Variants in RYK observed in about 807,000 individuals in gnomAD.
RYK encodes the protein receptor like tyrosine kinase.
Under a neutral mutation model 70.2 loss-of-function variants are expected in RYK, and 21 were observed. The ratio of observed to expected loss-of-function variants is 0.30; its 90% confidence interval spans 0.21 to 0.43. The LOEUF is 0.43. Ranked by LOEUF, RYK falls within the 20% of genes least tolerant of loss-of-function variation. The pLI, the probability that RYK is intolerant of heterozygous loss-of-function variation, is 1.00. For synonymous variants in RYK, 267 were observed against 278.0 expected (o/e 0.96, Z 0.39); for missense variants, 604 against 753.3 (o/e 0.80, Z 2.32).
intron 2 of RYK, among the ~76,000 whole-genome samples, chr3:134,214,753 C>T (rs1192662243): frequency 6.6e-6 from 1 of 152,198 alleles, no homozygotes; most frequent in African/African-American, 2.4e-5. Flanking sequence ...CCTTACAGGC[C>T]TTCCCCACCT....
At chr3:134,204,241 T>C (rs2014128823) in intron 5 of RYK, among the ~76,000 whole-genome samples, 1 of 152,096 alleles carries the variant, frequency 6.6e-6, no homozygotes, top group African/African-American at 2.4e-5. Context: ...ACACCTGTAA[T>C]CCCAGCGCTT....
At chr3:134,194,938 A>C (rs2107670353) in intron 7 of RYK, 144 bp downstream of exon 7, 1 of 583,452 alleles carries the variant, frequency 1.7e-6, no homozygotes, top group East Asian at 3.3e-5. Flanking sequence ...TCTAGAAAGC[A>C]AAAGTTGAAG....
At chr3:134,199,348 A>T (rs2013915582) in intron 6 of RYK, among the ~76,000 whole-genome samples, 1 of 152,266 alleles carries the variant, frequency 6.6e-6, no homozygotes, top group South Asian at 2.1e-4. Context: ...CTGTGTGAGG[A>T]TTAACGGAGT....
intron 4 of RYK, among the ~76,000 whole-genome samples, chr3:134,208,646 T>G (rs774172908): frequency 2.0e-5 from 3 of 152,186 alleles, no homozygotes; most frequent in Non-Finnish European, 4.4e-5. Flanking sequence ...TGGCCTTAGG[T>G]GTTTTCATAA....
chr3:134,169,616 C>A (rs1449647707), intron 13 of RYK, among the ~76,000 whole-genome samples: 1 of 152,090 alleles, frequency 6.6e-6, no homozygotes, highest in Non-Finnish European at 1.5e-5. Context: ...AATATTGAAT[C>A]CTTTCAGTAA....
intron 13 of RYK, among the ~76,000 whole-genome samples, chr3:134,173,294 T>C (rs368369117): frequency 4.0e-5 from 6 of 149,366 alleles, no homozygotes; most frequent in Non-Finnish European, 7.4e-5. Context: ...AAAAAAAAAA[T>C]TTAAAAATTA....
At chr3:134,161,008 T>C (rs1234883941) in intron 13 of RYK, among the ~76,000 whole-genome samples, 41 of 152,222 alleles carry the variant, frequency 2.7e-4, no homozygotes, top group Admixed American at 2.7e-3. Flanking sequence ...AAAGCAGTTC[T>C]TCATGTGGAA....
At chr3:134,171,820 CTG>C (rs2012922038) in intron 13 of RYK, among the ~76,000 whole-genome samples, 2 of 151,942 alleles carry the variant, frequency 1.3e-5, no homozygotes, top group South Asian at 4.2e-4. Flanking sequence ...TGAGCTATGA[CTG>C]TACCACTGCA....
At chr3:134,178,664 T>A (rs1004876960) in intron 10 of RYK, 2 of 152,140 alleles carry the variant, frequency 1.3e-5, no homozygotes, top group Admixed American at 1.3e-4. Context: ...TCTTATAACA[T>A]AGGGACCCCA....
At chr3:134,187,967 T>C (rs1013094790) in intron 9 of RYK, among the ~76,000 whole-genome samples, 2 of 152,016 alleles carry the variant, frequency 1.3e-5, no homozygotes, top group African/African-American at 4.8e-5. Context: ...ATAAGCCATA[T>C]GCCTGCATAA....
intron 13 of RYK, chr3:134,170,671 T>C (rs969952142): frequency 2.8e-4 from 42 of 152,474 alleles, no homozygotes; most frequent in Non-Finnish European, 1.3e-4. Flanking sequence ...TCTGATGAAA[T>C]GGCAAAAGTA....
chr3:134,245,682 G>C (rs1039352636), intron 1 of RYK, among the ~76,000 whole-genome samples: 1 of 152,158 alleles, frequency 6.6e-6, no homozygotes, highest in African/African-American at 2.4e-5. Flanking sequence ...ACTGTAGCCA[G>C]AAGTCGAAGG....
chr3:134,200,857 C>G (rs2013989302), intron 6 of RYK, among the ~76,000 whole-genome samples: 1 of 152,218 alleles, frequency 6.6e-6, no homozygotes, highest in Non-Finnish European at 1.5e-5. Flanking sequence ...TGGTTTTACT[C>G]AGGTAATGTC....
intron 1 of RYK, among the ~76,000 whole-genome samples, chr3:134,230,729 G>C (rs1168397496): frequency 1.3e-5 from 2 of 152,194 alleles, no homozygotes; most frequent in African/African-American, 2.4e-5. Flanking sequence ...TGATGGAAAT[G>C]TCCTATATCT....
intron 3 of RYK, 21 bp from the exon 4 acceptor site, chr3:134,209,850 A>G (rs1167517044): frequency 2.5e-5 from 36 of 1,438,192 alleles, no homozygotes; most frequent in Non-Finnish European, 3.3e-5. Flanking sequence ...AAGATAAGAA[A>G]AATATTTTAC....
At chr3:134,199,973 AC>A (rs2013942680) in intron 6 of RYK, among the ~76,000 whole-genome samples, 1 of 151,732 alleles carries the variant, frequency 6.6e-6, no homozygotes, top group Non-Finnish European at 1.5e-5. Flanking sequence ...TTGTAAACGC[AC>A]CAATCAGCAC....
At chr3:134,246,193 C>A (rs1385524584) in intron 1 of RYK, among the ~76,000 whole-genome samples, 1 of 151,232 alleles carries the variant, frequency 6.6e-6, no homozygotes, top group African/African-American at 2.4e-5. Context: ...TCCCCCCCTC[C>A]CACTCCTTCC....
intron 13 of RYK, among the ~76,000 whole-genome samples, chr3:134,165,633 G>A (rs1221244020): frequency 6.6e-6 from 1 of 152,174 alleles, no homozygotes; most frequent in Non-Finnish European, 1.5e-5. Context: ...CAGCCACTGA[G>A]GTACGTTCCA....
intron 1 of RYK, among the ~76,000 whole-genome samples, chr3:134,236,555 TG>T (rs2015205030): frequency 6.6e-6 from 1 of 152,184 alleles, no homozygotes. Flanking sequence ...CTCCCATTTT[TG>T]CACAAGAGTA....
Sources: gnomAD v4.1 joint callset for allele counts (sites outside exome capture counted in the v4.1 genomes callset) on GRCh38, gnomAD v4.1.1 for gene constraint, MANE v1.5 for transcripts, NCBI Gene and HGNC (gene_info 2026-07-23, HGNC 2026-07-21) for gene names.